Variants in NCOA7 observed in about 807,000 individuals in gnomAD.
The protein encoded by NCOA7 is 140 kDa estrogen receptor-associated protein.
A neutral mutation model predicts 104.3 loss-of-function variants in NCOA7; 45 were observed. The ratio of observed to expected loss-of-function variants is 0.43; its 90% CI spans 0.34 to 0.55. NCOA7 has a LOEUF of 0.55. Ranked by LOEUF, NCOA7 falls within the 20% of genes least tolerant of loss-of-function variation. NCOA7 has a pLI of 0.02. For missense variants in NCOA7, 1,041 were observed against 1,119.7 expected (o/e 0.93, Z 1.00); for synonymous variants, 398 against 402.3 (o/e 0.99, Z 0.13).
At chr6:125,831,785 C>T (rs572116710) in intron 2 of NCOA7, among the ~76,000 whole-genome samples, 1 of 152,290 alleles carries the variant, frequency 6.6e-6, no homozygotes, top group African/African-American at 2.4e-5. Flanking sequence ...CGTTAGTTTT[C>T]CTTTGCATTG....
chr6:125,848,467 G>T (rs958537447), intron 2 of NCOA7, among the ~76,000 whole-genome samples: 2 of 152,152 alleles, frequency 1.3e-5, no homozygotes, highest in African/African-American at 4.8e-5. Context: ...ATACCATGCA[G>T]CCATAAAAAA....
intron 10 of NCOA7, among the ~76,000 whole-genome samples, chr6:125,914,707 T>C (rs1786896943): frequency 6.6e-6 from 1 of 152,218 alleles, no homozygotes; most frequent in Non-Finnish European, 1.5e-5. Context: ...TCCCAGGAAC[T>C]AGGCATATTT....
Position 125,881,129 on chromosome 6 carries a change from T to G in NCOA7, c.499T>G (p.Leu167Val). The G allele has an allele frequency of 6.2e-7, 1 of 1,614,034 alleles. No individual in the cohort carries two copies. Among genetic ancestry groups the G allele is most frequent in the Non-Finnish European group, 8.5e-7 (1 of 1,179,928 alleles). The change falls in exon 6 of 16, where the codon TTA becomes GTA. Residue 167 changes from leucine (L) to valine (V), a missense_variant. This residue lies in a region of NCOA7 where 914 missense variants were observed against 942.7 expected (regional missense o/e 0.97). Transcript: ENST00000392477. ...AGATGCCAACTCTCCTTCCAGTACC[T>G]TAAGGCTATCATCATCCAGTCCTGG... ...VPDANSPSSTLRLSSSSPGAT... is the reference protein window; with the variant it reads ...VPDANSPSSTVRLSSSSPGAT...
intron 1 of NCOA7, among the ~76,000 whole-genome samples, chr6:125,795,297 A>G (rs908351106): frequency 6.6e-5 from 10 of 152,216 alleles, no homozygotes; most frequent in African/African-American, 1.9e-4. Flanking sequence ...AGGTTTTTAC[A>G]TAGAGGCATC....
intron 4 of NCOA7, among the ~76,000 whole-genome samples, chr6:125,877,873 C>A (rs987261958): frequency 1.7e-4 from 26 of 152,158 alleles, no homozygotes; most frequent in African/African-American, 6.3e-4. Context: ...AAAAGTCATG[C>A]AAATAGACAG....
chr6:125,818,576 GGAGA>G (rs913712920), intron 2 of NCOA7, among the ~76,000 whole-genome samples: 1 of 151,876 alleles, frequency 6.6e-6, no homozygotes, highest in Non-Finnish European at 1.5e-5. Flanking sequence ...GTAGGAGCAG[GGAGA>G]GAGAGAAAGA....
At chr6:125,871,277 G>A (rs557711317) in intron 3 of NCOA7, among the ~76,000 whole-genome samples, 2 of 125,404 alleles carry the variant, frequency 1.6e-5, no homozygotes, top group Non-Finnish European at 3.2e-5. Flanking sequence ...AAACACTAGG[G>A]TTGGAGCACC....
intron 8 of NCOA7, among the ~76,000 whole-genome samples, chr6:125,886,781 TAAAAC>T (rs1253958337): frequency 1.3e-5 from 2 of 152,258 alleles, no homozygotes; most frequent in African/African-American, 4.8e-5. Flanking sequence ...AGTTTAATGA[TAAAAC>T]AATAAGTACA....
At chr6:125,842,054 G>A (rs932156841) in intron 2 of NCOA7, among the ~76,000 whole-genome samples, 8 of 152,190 alleles carry the variant, frequency 5.3e-5, no homozygotes, top group Non-Finnish European at 2.9e-5. Flanking sequence ...TTAAAGTTGA[G>A]AGGAGAGAGA....
intron 2 of NCOA7, among the ~76,000 whole-genome samples, chr6:125,826,098 G>C (rs545485215): frequency 7.2e-5 from 11 of 152,206 alleles, no homozygotes; most frequent in African/African-American, 2.4e-4. Flanking sequence ...GGCCAAGGCG[G>C]GTGTATTGCC....
At chr6:125,818,495 G>C (rs1438897509) in intron 2 of NCOA7, among the ~76,000 whole-genome samples, 1 of 152,128 alleles carries the variant, frequency 6.6e-6, no homozygotes, top group East Asian at 1.9e-4. Flanking sequence ...ATGCTCTTAA[G>C]ACAGTAAGAC....
chr6:125,799,765 AGTT>A (rs148335227), intron 1 of NCOA7, among the ~76,000 whole-genome samples: 108 of 152,242 alleles, frequency 7.1e-4, no homozygotes, highest in African/African-American at 2.5e-3. Context: ...AGCTTATAGA[AGTT>A]GTGTTTTATA....
intron 1 of NCOA7, among the ~76,000 whole-genome samples, chr6:125,794,754 C>T (rs975409268): frequency 6.6e-6 from 1 of 152,164 alleles, no homozygotes; most frequent in Non-Finnish European, 1.5e-5. Flanking sequence ...TAAACTCTTA[C>T]ATTTATATTC....
At chr6:125,863,751 T>C (rs748775130) in intron 3 of NCOA7, among the ~76,000 whole-genome samples, 1 of 136,250 alleles carries the variant, frequency 7.3e-6, no homozygotes, top group Non-Finnish European at 1.6e-5. Context: ...AAATGTGGAG[T>C]GTGTTGAGAG....
intron 2 of NCOA7, among the ~76,000 whole-genome samples, chr6:125,831,644 T>C (rs144664697): frequency 2.5e-4 from 38 of 152,278 alleles, no homozygotes; most frequent in African/African-American, 9.1e-4. Context: ...TTTAATTTTT[T>C]GCCTATTCTC....
At chr6:125,927,846 C>CCAA in intron 14 of NCOA7, 88 bp downstream of exon 14, 3 of 1,089,404 alleles carry the variant, frequency 2.8e-6, no homozygotes, top group African/African-American at 1.5e-5. Flanking sequence ...GCTAGCTGTC[C>CCAA]TGTAACTTCT....
chr6:125,854,447 C>T (rs550136381), intron 2 of NCOA7, among the ~76,000 whole-genome samples: 1 of 152,236 alleles, frequency 6.6e-6, no homozygotes, highest in Admixed American at 6.5e-5. Context: ...CATGTATTGT[C>T]ATTATGGCAT....
chr6:125,872,909 T>C (rs1277408309), intron 3 of NCOA7, among the ~76,000 whole-genome samples: 1 of 152,212 alleles, frequency 6.6e-6, no homozygotes, highest in Non-Finnish European at 1.5e-5. Flanking sequence ...TCAGGGTCTC[T>C]TTGGCTCTGT....
At chr6:125,893,607 GC>G (rs1380407494) in intron 10 of NCOA7, among the ~76,000 whole-genome samples, 1 of 152,104 alleles carries the variant, frequency 6.6e-6, no homozygotes, top group African/African-American at 2.4e-5. Flanking sequence ...CTGTGGGGGG[GC>G]CAGAGGGTGG....
Sources: allele counts gnomAD v4.1 joint callset (sites outside exome capture counted in the v4.1 genomes callset), GRCh38; gene constraint gnomAD v4.1.1; regional missense constraint gnomAD v4.1.1; transcripts MANE v1.5; gene names NCBI Gene and HGNC (gene_info 2026-07-23, HGNC 2026-07-21).